FAM107B: variants seen among roughly 807,000 people sequenced by gnomAD.
FAM107B encodes the protein family with sequence similarity 107 member B, also known as protein FAM107B.
In FAM107B, 21 loss-of-function variants were observed where a neutral mutation model predicts 31.5. The ratio of observed to expected loss-of-function variants is 0.67; its 90% CI spans 0.47 to 0.96. FAM107B has a LOEUF of 0.96. Ranked by LOEUF, FAM107B falls within the 40% of genes least tolerant of loss-of-function variation. The pLI, the probability that FAM107B is intolerant of heterozygous loss-of-function variation, is 0.00. For missense variants in FAM107B, 452 were observed against 377.1 expected (o/e 1.20, Z -1.64); for synonymous variants, 157 against 141.5 (o/e 1.11, Z -0.78).
Position 14,774,241 on chromosome 10 carries a change from A to ACACT in FAM107B, c.411+8_411+11dup, listed in dbSNP as rs778470717. The ACACT allele has an allele frequency of 2.5e-6, 4 of 1,594,916 alleles. No individual in the cohort carries two copies. The East Asian group carries it at 9.0e-5, about 36-fold the overall frequency. Reference sequence around the variant, plus strand: ...CATCCCGTCTATAATCGCAGAGCGAACACTCACTCACCTTGGGCGTGTCAA... The same window carrying ACACT: ...CATCCCGTCTATAATCGCAGAGCGAACACTCACTCACTCACCTTGGGCGTGTCAA... On this transcript the variant is annotated intron_variant, in intron 1 of 4. Coordinates refer to ENST00000181796, the MANE Select transcript of FAM107B (RefSeq NM_031453.4).
chr10:14,765,395 T>C (rs189416083), intron 1 of FAM107B, among the ~76,000 whole-genome samples: 2 of 152,342 alleles, frequency 1.3e-5, no homozygotes, highest in Non-Finnish European at 2.9e-5. Flanking sequence ...TATCCATTTA[T>C]TGCATTCTAA....
chr10:14,526,756 G>A (rs1389423639), intron 3 of FAM107B, among the ~76,000 whole-genome samples: 3 of 152,118 alleles, frequency 2.0e-5, no homozygotes, highest in Non-Finnish European at 4.4e-5. Flanking sequence ...TTAGGGATAT[G>A]TTTAAGTAAC....
At chr10:14,647,964 G>T (rs1187902750) in intron 2 of FAM107B, among the ~76,000 whole-genome samples, 2 of 145,412 alleles carry the variant, frequency 1.4e-5, no homozygotes, top group African/African-American at 5.1e-5. Context: ...CTTCTGCGGA[G>T]AAACTGAAAA....
intron 1 of FAM107B, among the ~76,000 whole-genome samples, chr10:14,683,346 T>A (rs1564624491): frequency 6.6e-6 from 1 of 152,208 alleles, no homozygotes; most frequent in Non-Finnish European, 1.5e-5. Flanking sequence ...AATGAGTGAT[T>A]GTTCCACACC....
rs1202369068 is a variant in FAM107B at position 14,519,475 on chromosome 10, AT to A, written c.*1714del. 2.0e-5 allele frequency: 3 copies of A among 152,358 alleles called. No individual in the cohort carries two copies. The highest frequency in any genetic ancestry group is 2.9e-5 in the Non-Finnish European group (2 of 68,032). 9.4% of individuals were successfully genotyped at this position (152,358 alleles called of 1,614,324 possible). On this transcript the variant is annotated 3_prime_UTR_variant, in exon 5 of 5. Coordinates refer to ENST00000181796, the MANE Select transcript of FAM107B (RefSeq NM_031453.4). ...AGAACGATGGGAAAAAATAGTTACC[AT>A]TCCATTCTTCGAAACCAAATTACTG...
intron 2 of FAM107B, chr10:14,548,717 A>G: frequency 1.1e-6 from 1 of 949,176 alleles, no homozygotes; most frequent in Non-Finnish European, 1.3e-6. Context: ...TGACCACTCT[A>G]GCCGCAAAAC....
chr10:14,606,227 T>C (rs1852586430), intron 2 of FAM107B, among the ~76,000 whole-genome samples: 1 of 152,124 alleles, frequency 6.6e-6, no homozygotes, highest in Non-Finnish European at 1.5e-5. Context: ...GTCATGCTCT[T>C]CCACGGGCTT....
chr10:14,572,054 C>G, intron 2 of FAM107B: 3 of 985,380 alleles, frequency 3.0e-6, no homozygotes, highest in Non-Finnish European at 3.6e-6. Context: ...ATTAACCATC[C>G]CCACAAAGAA....
intron 2 of FAM107B, among the ~76,000 whole-genome samples, chr10:14,629,453 T>C (rs1414389648): frequency 7.0e-5 from 3 of 42,864 alleles, no homozygotes; most frequent in African/African-American, 9.2e-5. Flanking sequence ...ATATTATATA[T>C]ATATTATATA....
chr10:14,661,025 T>C (rs1055380345), intron 2 of FAM107B, among the ~76,000 whole-genome samples: 1 of 152,062 alleles, frequency 6.6e-6, no homozygotes, highest in Admixed American at 6.5e-5. Flanking sequence ...TGTTTAAAAG[T>C]ATGTAGCACC....
chr10:14,654,188 G>A (rs1424016303), intron 2 of FAM107B, among the ~76,000 whole-genome samples: 1 of 150,814 alleles, frequency 6.6e-6, no homozygotes, highest in Non-Finnish European at 1.5e-5. Context: ...TTGGAACCTA[G>A]ATTTTTACAT....
intron 2 of FAM107B, among the ~76,000 whole-genome samples, chr10:14,550,948 T>G (rs1214202059): frequency 1.3e-5 from 2 of 152,180 alleles, no homozygotes; most frequent in African/African-American, 4.8e-5. Context: ...AATAATTATG[T>G]AACAAGAAAA....
In FAM107B at chr10:14,521,194, G is replaced by A; in HGVS notation, c.917C>T (p.Ser306Phe). The A allele has an allele frequency of 1.9e-6, 3 of 1,613,824 alleles. 1 individual carries two copies. The South Asian group carries it at 3.3e-5, about 18-fold the overall frequency. The part of the protein sequence containing the change: ...TGQEVAQAQE[S>F] ...AGGTCTTGGTGCAGCCTCAGCCTAG[G>A]ACTCCTGGGCTTGGGCGACTTCTTG... Residue 306 changes from serine to phenylalanine, a missense_variant, in exon 5 of 5, where the codon TCC (serine) becomes TTC (phenylalanine). Physicochemically the swap from Ser to Phe is radical, Grantham distance 155. Coordinates refer to ENST00000181796, the MANE Select transcript of FAM107B (RefSeq NM_031453.4).
Position 14,586,911 on chromosome 10 carries a change from C to T in FAM107B, c.470-56396G>A, listed in dbSNP as rs180984720. On this transcript the variant is annotated intron_variant, in intron 2 of 4. Transcript: ENST00000181796. Reference sequence around the variant, plus strand: ...TAGGCTACATTTCAGGTGGAGAAGGCCCAAGAGGATGATATAGGTGAAACA... The same window carrying T: ...TAGGCTACATTTCAGGTGGAGAAGGTCCAAGAGGATGATATAGGTGAAACA... Among the ~76,000 whole-genome samples the T allele has an allele frequency of 2.0e-3, 304 of 152,240 alleles. 11 individuals are homozygous for T. The highest frequency in any genetic ancestry group is 0.019 in the Admixed American group (286 of 15,286).
intron 1 of FAM107B, among the ~76,000 whole-genome samples, chr10:14,725,326 A>G (rs1398398582): frequency 2.6e-5 from 4 of 152,216 alleles, no homozygotes; most frequent in African/African-American, 9.6e-5. Flanking sequence ...GGAGAAAGAG[A>G]TTGAGATTTC....
rs192223169 is a variant in FAM107B at position 14,635,672 on chromosome 10, C to A, written c.469+31962G>T. Among the ~76,000 whole-genome samples, 8 of 152,166 alleles carry A rather than the reference C, an allele frequency of 5.3e-5. No individual in the cohort carries two copies. The East Asian group carries it at 1.5e-3, about 29-fold the overall frequency. ...TTTGAGATGCAGTCTCGTTCTGTCA[C>A]CCAGGCTGGAGTACAGTGGCGTGAT... On this transcript the variant is annotated intron_variant, in intron 2 of 4. Coordinates refer to ENST00000181796, the MANE Select transcript of FAM107B (RefSeq NM_031453.4).
At chr10:14,606,984 G>C (rs545438922) in intron 2 of FAM107B, among the ~76,000 whole-genome samples, 7 of 152,288 alleles carry the variant, frequency 4.6e-5, no homozygotes, top group Non-Finnish European at 7.4e-5. Context: ...TCTAACCAAA[G>C]ATGCATTGGA....
intron 2 of FAM107B, among the ~76,000 whole-genome samples, chr10:14,639,341 C>T (rs987589379): frequency 3.3e-5 from 5 of 152,182 alleles, no homozygotes; most frequent in African/African-American, 9.7e-5. Flanking sequence ...GGGTTAGGTA[C>T]CACCATGCTT....
At chr10:14,773,330 C>CA (rs944232802) in intron 1 of FAM107B, among the ~76,000 whole-genome samples, 9 of 151,980 alleles carry the variant, frequency 5.9e-5, no homozygotes, top group African/African-American at 1.9e-4. Context: ...CAAGCCAGAC[C>CA]AAAAAATAAT....
Sources: gnomAD v4.1 joint callset for allele counts (sites outside exome capture counted in the v4.1 genomes callset) on GRCh38, gnomAD v4.1.1 for gene constraint, MANE v1.5 for transcripts, NCBI Gene and HGNC (gene_info 2026-07-23, HGNC 2026-07-21) for gene names.